MEI1: variants seen among roughly 807,000 people sequenced by gnomAD.
MEI1 encodes meiotic double-stranded break formation protein 1.
Under a neutral mutation model 146.2 loss-of-function variants are expected in MEI1, and 103 were observed. The observed-to-expected ratio is 0.70, with a 90% confidence interval of 0.60 to 0.83. MEI1 has a LOEUF of 0.83. Among genes scored for constraint, MEI1 ranks in the 40% least tolerant of loss-of-function variants. MEI1 has a pLI of 0.00. For synonymous variants in MEI1, 652 were observed against 628.2 expected (o/e 1.04, Z -0.57); for missense variants, 1,529 against 1,533.0 (o/e 1.00, Z 0.04).
chr22:41,775,954 G>A (rs1010268896), intron 20 of MEI1, 148 bp from the exon 21 acceptor site: 3 of 722,432 alleles, frequency 4.2e-6, no homozygotes, highest in Non-Finnish European at 6.8e-6. Flanking sequence ...AGAGCCTTTG[G>A]TACATAATAG....
At chr22:41,765,373 G>A (rs904191826) in intron 19 of MEI1, among the ~76,000 whole-genome samples, 1 of 152,108 alleles carries the variant, frequency 6.6e-6, no homozygotes. Flanking sequence ...CCCAGCTACT[G>A]GGAAGGCTGA....
intron 3 of MEI1, chr22:41,709,534 G>A: frequency 7.1e-6 from 4 of 563,888 alleles, no homozygotes. Context: ...TGCGCGGGAT[G>A]CAGCGGCACA....
chr22:41,746,931 C>T (rs986472227), intron 14 of MEI1, among the ~76,000 whole-genome samples: 1 of 152,010 alleles, frequency 6.6e-6, no homozygotes, highest in Non-Finnish European at 1.5e-5. Context: ...CTGCCTTCCT[C>T]CTAGATTTTT....
At chr22:41,723,286 C>T (rs1453801977) in intron 6 of MEI1, among the ~76,000 whole-genome samples, 1 of 151,830 alleles carries the variant, frequency 6.6e-6, no homozygotes, top group Non-Finnish European at 1.5e-5. Context: ...CATCTCAGTT[C>T]ACTGCAACCT....
At chr22:41,778,858 G>T in intron 22 of MEI1, 46 bp downstream of exon 22, 1 of 1,327,354 alleles carries the variant, frequency 7.5e-7, no homozygotes. Context: ...AGGGCTGGAC[G>T]TGCAGTGGGT....
intron 26 of MEI1, among the ~76,000 whole-genome samples, chr22:41,785,910 A>AC (rs2075961644): frequency 1.0e-5 from 1 of 96,340 alleles, no homozygotes; most frequent in Admixed American, 1.6e-4. Flanking sequence ...TTTATTTTTT[A>AC]TTTTATTTTT....
Position 41,767,506 on chromosome 22 carries a change from G to A in MEI1, c.2269-3180G>A, listed in dbSNP as rs546015947. On this transcript the variant is annotated intron_variant, in intron 19 of 30. Transcript: ENST00000401548. Reference sequence around the variant, plus strand: ...GAGGATCCCCAATAGCCAGAGTGTGGGTGTCTCTGTGGGGATGGATATTTC... The same window carrying A: ...GAGGATCCCCAATAGCCAGAGTGTGAGTGTCTCTGTGGGGATGGATATTTC... The A allele has an allele frequency of 8.9e-5, 40 of 450,782 alleles. 1 individual carries two copies. Among genetic ancestry groups the A allele is most frequent in the Non-Finnish European group, 1.3e-4 (30 of 222,488 alleles). The allele number at this position is 450,782 out of a possible 1,614,324, so 27.9% of individuals were successfully genotyped here.
At chr22:41,717,782 A>T (rs1383643846) in intron 5 of MEI1, among the ~76,000 whole-genome samples, 1 of 151,408 alleles carries the variant, frequency 6.6e-6, no homozygotes, top group Non-Finnish European at 1.5e-5. Context: ...TGCCCGGCTA[A>T]TTTTTGTATT....
intron 19 of MEI1, among the ~76,000 whole-genome samples, chr22:41,765,058 G>T (rs2074752532): frequency 6.6e-6 from 1 of 152,174 alleles, no homozygotes; most frequent in South Asian, 2.1e-4. Context: ...AGGCTGGAGT[G>T]CAATGGCGCC....
chr22:41,795,344 AG>A lies in MEI1; in HGVS notation c.3535-66del. 1 of 1,592,328 alleles carries A rather than the reference AG, an allele frequency of 6.3e-7. No individual in the cohort carries two copies. The highest frequency in any genetic ancestry group is 8.6e-7 in the Non-Finnish European group (1 of 1,167,078). On this transcript the variant is annotated intron_variant, in intron 28 of 30. Coordinates refer to ENST00000401548, the MANE Select transcript of MEI1 (RefSeq NM_152513.4). The surrounding 1 kb of genome is among the most constrained non-coding windows in gnomAD (Gnocchi z 4.2). ...ACAGTGTCTCCTAAAGTTGGGGCACAGCAGTTGTCTATGATGAAGGAGATGC... is the reference window on the plus strand; with the variant it reads ...ACAGTGTCTCCTAAAGTTGGGGCACACAGTTGTCTATGATGAAGGAGATGC...
chr22:41,765,173 G>T (rs2074762086), intron 19 of MEI1, among the ~76,000 whole-genome samples: 2 of 152,100 alleles, frequency 1.3e-5, no homozygotes, highest in South Asian at 4.1e-4. Context: ...GTGCCACCAC[G>T]CCCAGCTAAT....
chr22:41,748,590 C>T (rs1346619680), intron 15 of MEI1, among the ~76,000 whole-genome samples: 1 of 152,144 alleles, frequency 6.6e-6, no homozygotes, highest in Non-Finnish European at 1.5e-5. Flanking sequence ...TAATAACTAA[C>T]ATTTAAGTTC....
intron 6 of MEI1, among the ~76,000 whole-genome samples, chr22:41,721,417 T>C (rs1256128685): frequency 1.3e-5 from 2 of 150,572 alleles, no homozygotes; most frequent in Admixed American, 6.6e-5. Context: ...GCTATTTTTT[T>C]GTATTTTTAG....
Position 41,781,621 on chromosome 22 carries a change from T to C in MEI1, c.2927-64T>C, listed in dbSNP as rs1056124867. On this transcript the variant is annotated intron_variant, in intron 23 of 30. Coordinates refer to ENST00000401548, the MANE Select transcript of MEI1 (RefSeq NM_152513.4). ...AGCCCCAATCAGGTGCTAAGCACCA[T>C]AGTGGCACTTAGCTGAAGCTCCTCT... 26 of 1,550,948 alleles carry C rather than the reference T, an allele frequency of 1.7e-5. No homozygotes were observed. In the Admixed American group the frequency reaches 3.5e-4, roughly 21 times the overall value.
intron 1 of MEI1, among the ~76,000 whole-genome samples, chr22:41,702,560 C>T (rs1277679823): frequency 6.6e-6 from 1 of 151,980 alleles, no homozygotes; most frequent in East Asian, 1.9e-4. Context: ...ATTCTCCTGC[C>T]TCAGCCTCCC....
intron 3 of MEI1, among the ~76,000 whole-genome samples, chr22:41,713,498 A>T (rs1344179178): frequency 2.6e-5 from 4 of 151,760 alleles, no homozygotes; most frequent in Non-Finnish European, 1.5e-5. Flanking sequence ...AAAAAAAAGA[A>T]GCCAGAACTC....
chr22:41,749,757 A>G (rs2073616674), intron 15 of MEI1, among the ~76,000 whole-genome samples: 1 of 152,096 alleles, frequency 6.6e-6, no homozygotes, highest in African/African-American at 2.4e-5. Context: ...GAACTAAGGT[A>G]GTGTTGGGGC....
At chr22:41,722,657 G>A (rs1288568211) in intron 6 of MEI1, among the ~76,000 whole-genome samples, 2 of 151,564 alleles carry the variant, frequency 1.3e-5, no homozygotes, top group Non-Finnish European at 2.9e-5. Flanking sequence ...ATATTCCTCT[G>A]CCCAGAAGTT....
intron 11 of MEI1, among the ~76,000 whole-genome samples, chr22:41,736,883 C>G (rs1173296203): frequency 6.6e-6 from 1 of 152,186 alleles, no homozygotes; most frequent in Admixed American, 6.5e-5. Flanking sequence ...GAACTCCAGA[C>G]CACATTTCCA....
Sources: allele counts gnomAD v4.1 joint callset (sites outside exome capture counted in the v4.1 genomes callset), GRCh38; gene constraint gnomAD v4.1.1; non-coding constraint Gnocchi (gnomAD v3.1); transcripts MANE v1.5; gene names NCBI Gene and HGNC (gene_info 2026-07-23, HGNC 2026-07-21).